SLC38A4: variants seen among roughly 807,000 people sequenced by gnomAD.
SLC38A4 encodes solute carrier family 38 member 4, also known as sodium-coupled neutral amino acid transporter 4.
SLC38A4 carries 20 observed loss-of-function variants against 63.1 expected under a neutral mutation model. The observed-to-expected ratio is 0.32, with a 90% CI of 0.22 to 0.46. The LOEUF (loss-of-function observed/expected upper bound fraction) is 0.46, where lower values mean the gene tolerates loss of function less well. Ranked by LOEUF, SLC38A4 falls within the 20% of genes least tolerant of loss-of-function variation. The pLI, the probability that SLC38A4 is intolerant of heterozygous loss-of-function variation, is 1.00. For synonymous variants in SLC38A4, 230 were observed against 225.5 expected, an observed-to-expected ratio of 1.02 and a Z score of -0.18; for missense variants, 526 against 663.6, an observed-to-expected ratio of 0.79 and a Z score of 2.28.
chr12:46,826,209 C>G (rs1337336693), upstream of SLC38A4, among the ~76,000 whole-genome samples: 1 of 152,132 alleles, frequency 6.6e-6, no homozygotes, highest in Non-Finnish European at 1.5e-5. Context: ...TATGCCAAAA[C>G]AAAGAGCAAA....
At chr12:46,811,800 G>C (rs1939344216) in intron 1 of SLC38A4, among the ~76,000 whole-genome samples, 1 of 151,860 alleles carries the variant, frequency 6.6e-6, no homozygotes, top group Non-Finnish European at 1.5e-5. Flanking sequence ...TGGACCATCA[G>C]GATTATTGTA....
chr12:46,828,650 T>C (rs904812261), upstream of SLC38A4, among the ~76,000 whole-genome samples: 11 of 152,180 alleles, frequency 7.2e-5, no homozygotes, highest in Non-Finnish European at 1.5e-5. Flanking sequence ...TCATGCTGTA[T>C]TGCAAATGTT....
At chr12:46,811,016 G>T (rs1325822864) in intron 1 of SLC38A4, among the ~76,000 whole-genome samples, 1 of 151,992 alleles carries the variant, frequency 6.6e-6, no homozygotes, top group Non-Finnish European at 1.5e-5. Flanking sequence ...ATTCTAAATA[G>T]ATCTCAAAAT....
upstream of SLC38A4, among the ~76,000 whole-genome samples, chr12:46,830,228 G>C (rs1270726974): frequency 6.6e-6 from 1 of 151,734 alleles, no homozygotes; most frequent in Non-Finnish European, 1.5e-5. Flanking sequence ...TATTTTTACA[G>C]ACTTCTACCC....
intron 3 of SLC38A4, among the ~76,000 whole-genome samples, chr12:46,789,658 A>G (rs1261090521): frequency 2.6e-5 from 4 of 152,198 alleles, no homozygotes; most frequent in Non-Finnish European, 5.9e-5. Context: ...TTGTTTTTAT[A>G]TAAAATGCTC....
intron 2 of SLC38A4, among the ~76,000 whole-genome samples, chr12:46,800,369 C>T (rs1263835686): frequency 6.6e-6 from 1 of 152,070 alleles, no homozygotes; most frequent in East Asian, 1.9e-4. Flanking sequence ...TATACTTTGA[C>T]CCAGACATAG....
upstream of SLC38A4, among the ~76,000 whole-genome samples, chr12:46,829,445 TA>T (rs5798002): frequency 0.44 from 65,422 of 148,172 alleles, 16,338 homozygotes; most frequent in East Asian, 0.68. Flanking sequence ...ATGTAAAAAG[TA>T]AAAAAAAAAA....
intron 12 of SLC38A4, among the ~76,000 whole-genome samples, chr12:46,777,334 A>G (rs1432124747): frequency 6.6e-6 from 1 of 151,920 alleles, no homozygotes; most frequent in East Asian, 1.9e-4. Flanking sequence ...AAGCTTTTGC[A>G]TTTCATAATG....
At chr12:46,808,942 G>A (rs1040999773) in intron 1 of SLC38A4, among the ~76,000 whole-genome samples, 1 of 151,982 alleles carries the variant, frequency 6.6e-6, no homozygotes, top group Non-Finnish European at 1.5e-5. Flanking sequence ...GTGCTGGGCT[G>A]GGTTGACTCT....
At chr12:46,803,524 A>C (rs1419724658) in intron 2 of SLC38A4, 79 bp downstream of exon 2, 1 of 151,986 alleles carries the variant, frequency 6.6e-6, no homozygotes, top group Non-Finnish European at 1.5e-5. Flanking sequence ...ATTTTTAATT[A>C]ATAAACAAAC....
intron 5 of SLC38A4, 25 bp from the exon 6 acceptor site, chr12:46,785,202 A>G: frequency 6.4e-7 from 1 of 1,551,946 alleles, no homozygotes; most frequent in Non-Finnish European, 8.9e-7. Flanking sequence ...GAGAGTAGGT[A>G]ATAAAGTTTC....
Position 46,778,451 on chromosome 12 carries a change from C to G in SLC38A4, c.993+50G>C, listed in dbSNP as rs1188472171. 2.5e-6 allele frequency: 4 copies of G among 1,610,786 alleles called. No homozygotes were observed. In the South Asian group the frequency reaches 4.4e-5, roughly 18 times the overall value. ...GCCATCTCAGTTTATTGAATAAAAACTTAGAAAACACATAACTGTACTCAT... is the reference window on the plus strand; with the variant it reads ...GCCATCTCAGTTTATTGAATAAAAAGTTAGAAAACACATAACTGTACTCAT... On this transcript the variant is annotated intron_variant, in intron 11 of 16. Transcript: ENST00000266579.
chr12:46,780,573 T>C (rs1296444796), intron 7 of SLC38A4, among the ~76,000 whole-genome samples: 2 of 151,576 alleles, frequency 1.3e-5, no homozygotes, highest in African/African-American at 4.8e-5. Context: ...ATACAAGAGA[T>C]GACAGCTTCT....
At chr12:46,819,833 G>A (rs1592197618) in intron 1 of SLC38A4, among the ~76,000 whole-genome samples, 2 of 151,748 alleles carry the variant, frequency 1.3e-5, no homozygotes, top group Admixed American at 6.6e-5. Flanking sequence ...TAGTTCCCTC[G>A]AAAGTTTGAA....
chr12:46,812,172 A>AT (rs1419383507), intron 1 of SLC38A4, among the ~76,000 whole-genome samples: 2 of 152,068 alleles, frequency 1.3e-5, no homozygotes, highest in Admixed American at 6.6e-5. Flanking sequence ...TGAAAGACTG[A>AT]TATGTGCTTA....
intron 13 of SLC38A4, among the ~76,000 whole-genome samples, chr12:46,775,787 C>A (rs1938513529): frequency 6.6e-6 from 1 of 151,956 alleles, no homozygotes; most frequent in Non-Finnish European, 1.5e-5. Context: ...GGGTACTACT[C>A]TAAGACGAAG....
At chr12:46,825,330 T>TATATATATATATATATA (rs71070321) in intron 1 of SLC38A4, among the ~76,000 whole-genome samples, 1 of 150,900 alleles carries the variant, frequency 6.6e-6, no homozygotes, top group African/African-American at 2.4e-5. Context: ...TATATATATA[T>TATATATATATATATATA]TCCTTACAGA....
Position 46,788,027 on chromosome 12 carries a change from G to A in SLC38A4, c.215C>T (p.Pro72Leu). ...KLADYADEHHPGTTSFGMSSF... is the reference protein window; with the variant it reads ...KLADYADEHHLGTTSFGMSSF... ...AGACATTCCAAAGGAAGTGGTTCCG[G>A]GATGCTTGAAAAAGAAGGGATGTAT... Residue 72 changes from proline to leucine, a missense_variant, in exon 5 of 17, where the codon CCC becomes CTC. Physicochemically the swap from Pro to Leu is moderately conservative, Grantham distance 98. Coordinates refer to ENST00000266579, the MANE Select transcript of SLC38A4 (RefSeq NM_018018.5). 1 of 1,612,478 alleles carries A rather than the reference G, an allele frequency of 6.2e-7. No homozygotes were observed.
chr12:46,802,619 TA>T (rs1939152862), intron 2 of SLC38A4, among the ~76,000 whole-genome samples: 1 of 151,994 alleles, frequency 6.6e-6, no homozygotes, highest in Non-Finnish European at 1.5e-5. Flanking sequence ...TATCTAAATA[TA>T]AATCGAAACT....
Sources: allele counts gnomAD v4.1 joint callset (sites outside exome capture counted in the v4.1 genomes callset), GRCh38; gene constraint gnomAD v4.1.1; transcripts MANE v1.5; gene names NCBI Gene and HGNC (gene_info 2026-07-23, HGNC 2026-07-21).